The following ZNF229 variants were observed in gnomAD, a reference collection of about 807,000 sequenced individuals.
ZNF229 encodes zinc finger protein 229.
Under a neutral mutation model 11.8 loss-of-function variants are expected in ZNF229, and 10 were observed. The observed-to-expected ratio is 0.85, with a 90% confidence interval of 0.52 to 1.44. The LOEUF (loss-of-function observed/expected upper bound fraction) is 1.44. Among genes scored for constraint, ZNF229 ranks in the 40% most tolerant of loss-of-function variants. The probability of loss-of-function intolerance (pLI) is 0.00; values close to 1 mark genes in which losing one functional copy is unlikely to be tolerated. For missense variants in ZNF229, 1,045 were observed against 1,015.1 expected (o/e 1.03, Z -0.40); for synonymous variants, 368 against 374.8 (o/e 0.98, Z 0.21).
Position 44,430,109 on chromosome 19 carries a change from C to G in ZNF229, c.672G>C (p.Trp224Cys), listed in dbSNP as rs1971689375. ...ATCTGTGATCAACATGACAAGATATCCAGCAAAAGCTGTCATCATCCCAGT... is the reference window on the plus strand; with the variant it reads ...ATCTGTGATCAACATGACAAGATATGCAGCAAAAGCTGTCATCATCCCAGT... ...KCNWDDDSFC[W>C]ISCHVDHRFP... Residue 224 changes from tryptophan to cysteine, a missense_variant, in exon 6 of 6, where the codon TGG (tryptophan) becomes TGC (cysteine). Transcript: ENST00000614049. The G allele has an allele frequency of 6.2e-7, 1 of 1,613,992 alleles. No individual in the cohort carries two copies. The highest frequency in any genetic ancestry group is 8.5e-7 in the Non-Finnish European group (1 of 1,180,030).
intron 2 of ZNF229, among the ~76,000 whole-genome samples, chr19:44,445,405 G>A (rs1971986861): frequency 6.6e-6 from 1 of 152,152 alleles, no homozygotes; most frequent in African/African-American, 2.4e-5. Context: ...ATGGCCCAAA[G>A]ACCTTACACT....
Position 44,429,001 on chromosome 19 carries a change from G to A in ZNF229, c.1780C>T (p.His594Tyr), listed in dbSNP as rs1001440713. Residue 594 changes from histidine (H) to tyrosine (Y), a missense_variant, in exon 6 of 6, where the codon CAC (histidine) becomes TAC (tyrosine). By Grantham distance (83) the His-to-Tyr change is moderately conservative. Coordinates refer to ENST00000614049, the MANE Select transcript of ZNF229 (RefSeq NM_014518.4). The stretch of plus-strand genomic sequence containing the variant: ...CACACGTAGGGCCTCTCTCCCGTGT[G>A]GACCCTCTGGTGGCTGTGAAGGTCT... ...NSDLHSHQRVHTGERPYVCDV... is the reference protein window; with the variant it reads ...NSDLHSHQRVYTGERPYVCDV... The A allele has an allele frequency of 3.7e-6, 6 of 1,613,742 alleles. No individual in the cohort carries two copies. Among genetic ancestry groups the A allele is most frequent in the Non-Finnish European group, 4.2e-6 (5 of 1,179,908 alleles).
In ZNF229 at chr19:44,429,216, C is replaced by T; in HGVS notation, c.1565G>A (p.Cys522Tyr). Residue 522 changes from cysteine to tyrosine, a missense_variant, in exon 6 of 6, where the codon TGT (cysteine) becomes TAT (tyrosine). Cys to Tyr is a radical substitution (Grantham distance 194, BLOSUM62 -2). Transcript: ENST00000614049. ...TGAGCTGTAACTGAAACTCTTACCA[C>T]ACACGTTACATTTGTACAGATGCTG... ...MGQHLYKCNV[C>Y]GKSFSYSSGL... 6.2e-7 allele frequency: 1 copy of T among 1,614,090 alleles called. No individual in the cohort carries two copies.
rs551441884 is a variant in ZNF229, at chr19:44,430,907, C to T, written c.239-365G>A. ...CCAATGATGTACACATATTAACTGACTTAAACCTCAGAATAATACTGAAGT... is the reference window on the plus strand; with the variant it reads ...CCAATGATGTACACATATTAACTGATTTAAACCTCAGAATAATACTGAAGT... On this transcript the variant is annotated intron_variant, in intron 5 of 5. Transcript: ENST00000614049. 2.5e-3 allele frequency among the ~76,000 whole-genome samples: 377 copies of T among 152,274 alleles called. 2 individuals carry two copies. Among genetic ancestry groups the T allele is most frequent in the African/African-American group, 8.1e-3 (338 of 41,508 alleles).
intron 2 of ZNF229, among the ~76,000 whole-genome samples, chr19:44,447,175 G>A (rs953440754): frequency 3.9e-5 from 6 of 152,136 alleles, no homozygotes; most frequent in Non-Finnish European, 7.4e-5. Context: ...GGCAAGCCTG[G>A]CACTGTCCTA....
chr19:44,445,215 C>T (rs906493897), intron 2 of ZNF229, among the ~76,000 whole-genome samples: 6 of 152,194 alleles, frequency 3.9e-5, no homozygotes, highest in Non-Finnish European at 8.8e-5. Context: ...ACCGTCCACA[C>T]CATCATGTCT....
At position 44,434,911 on chromosome 19, in the gene ZNF229, A is replaced by G. The variant is rs576871302; in HGVS notation, c.94-2545T>C. 7.2e-5 allele frequency among the ~76,000 whole-genome samples: 11 copies of G among 152,212 alleles called. No homozygotes were observed. In the East Asian group the frequency reaches 1.9e-3, roughly 27 times the overall value. On this transcript the variant is annotated intron_variant, in intron 4 of 5. Coordinates refer to ENST00000614049, the MANE Select transcript of ZNF229 (RefSeq NM_014518.4). ...GGACCTGATGGGAGGAAATTGAATC[A>G]TGGGGGGTGGGTCTTTCCCATGCTG...
chr19:44,428,063 A>C lies in ZNF229; in HGVS notation c.*240T>G, dbSNP rs148131616. On this transcript the variant is annotated 3_prime_UTR_variant, in exon 6 of 6. Coordinates refer to ENST00000614049, the MANE Select transcript of ZNF229 (RefSeq NM_014518.4). ...GGATTATTACTGAAACCACTGCTGC[A>C]CTGTTTCTTTAAAGCCTACTCCGCT... is the stretch of plus-strand genomic sequence containing the variant. 614 of 468,276 alleles carry C rather than the reference A, an allele frequency of 1.3e-3. 6 individuals carry two copies. The highest frequency in any genetic ancestry group is 0.011 in the African/African-American group (581 of 51,842). 29.0% of individuals were successfully genotyped at this position (468,276 alleles called of 1,614,324 possible).
chr19:44,443,337 G>A (rs2123380469), intron 2 of ZNF229, among the ~76,000 whole-genome samples: 1 of 152,226 alleles, frequency 6.6e-6, no homozygotes, highest in East Asian at 1.9e-4. Context: ...CACCTGGAGA[G>A]GAAAAGCTTT....
At chr19:44,448,006 G>C (rs180874128) in intron 1 of ZNF229, among the ~76,000 whole-genome samples, 1 of 152,292 alleles carries the variant, frequency 6.6e-6, no homozygotes, top group Admixed American at 6.5e-5. Context: ...CTTGCACAGC[G>C]CTTAATACAT....
At chr19:44,448,117 C>A (rs144285903) in intron 1 of ZNF229, among the ~76,000 whole-genome samples, 192 bp downstream of exon 1, 2 of 152,326 alleles carry the variant, frequency 1.3e-5, no homozygotes, top group African/African-American at 4.8e-5. Flanking sequence ...GGGCGGCTAC[C>A]CTGAGAAAAT....
Position 44,430,011 on chromosome 19 carries a change from C to T in ZNF229, c.770G>A (p.Arg257His), listed in dbSNP as rs778772232. 24 of 1,613,996 alleles carry T rather than the reference C, an allele frequency of 1.5e-5. No individual in the cohort carries two copies. Among genetic ancestry groups the T allele is most frequent in the Admixed American group, 6.7e-5 (4 of 60,004 alleles). The part of the protein sequence containing the change: ...KDCIKNSVLH[R>H]INPGENGLKS... Reference sequence around the variant, plus strand: ...CAAGCCATTCTCTCCAGGGTTAATGCGATGAAGTACAGAGTTTTTAATGCA... The same window carrying T: ...CAAGCCATTCTCTCCAGGGTTAATGTGATGAAGTACAGAGTTTTTAATGCA... Residue 257 changes from arginine to histidine, a missense_variant, in exon 6 of 6, where the codon CGC becomes CAC. Transcript: ENST00000614049.
chr19:44,432,458 A>G (rs1971740975), intron 4 of ZNF229, 92 bp from the exon 5 acceptor site: 1 of 1,548,124 alleles, frequency 6.5e-7, no homozygotes, highest in African/African-American at 1.4e-5. Flanking sequence ...AAATTTAAAA[A>G]TCTGGATTAA....
intron 4 of ZNF229, among the ~76,000 whole-genome samples, chr19:44,438,565 A>G (rs926690933): frequency 2.0e-5 from 3 of 152,208 alleles, no homozygotes; most frequent in African/African-American, 4.8e-5. Context: ...GTCTTTTTCT[A>G]TGCTAATGGG....
Position 44,428,219 on chromosome 19 carries a change from G to T in ZNF229, c.*84C>A. On this transcript the variant is annotated 3_prime_UTR_variant, in exon 6 of 6. Coordinates refer to ENST00000614049, the MANE Select transcript of ZNF229 (RefSeq NM_014518.4). ...AGTTTCTCCTATAGCCCTCCTACAT[G>T]TCACTTTCCTATGGTTTTTCTCCTG... The T allele has an allele frequency of 6.9e-7, 1 of 1,447,068 alleles. No individual in the cohort carries two copies. 89.6% of individuals were successfully genotyped at this position (1,447,068 alleles called of 1,614,324 possible). A position where few individuals can be genotyped will look rare whatever the true frequency, so the allele number is the denominator to read the frequency against.
chr19:44,444,303 T>G (rs1313974384), intron 2 of ZNF229, among the ~76,000 whole-genome samples: 1 of 152,204 alleles, frequency 6.6e-6, no homozygotes, highest in Non-Finnish European at 1.5e-5. Flanking sequence ...ATACTTGGGC[T>G]GTCTACTCTA....
chr19:44,444,545 G>C (rs1021027203), intron 2 of ZNF229, among the ~76,000 whole-genome samples: 1 of 152,116 alleles, frequency 6.6e-6, no homozygotes, highest in Non-Finnish European at 1.5e-5. Context: ...CTGAAACAAG[G>C]CCTCCACCGC....
chr19:44,430,928 G>C (rs1327304906), intron 5 of ZNF229, among the ~76,000 whole-genome samples: 2 of 152,096 alleles, frequency 1.3e-5, no homozygotes, highest in East Asian at 1.9e-4. Flanking sequence ...GAATAATACT[G>C]AAGTAGAAAC....
In ZNF229 at chr19:44,428,481, G is replaced by A. The variant is rs1971624358; in HGVS notation, c.2300C>T (p.Pro767Leu). 1.2e-6 allele frequency: 2 copies of A among 1,613,960 alleles called. No homozygotes were observed. The highest frequency in any genetic ancestry group is 1.7e-6 in the Non-Finnish European group (2 of 1,179,998). Residue 767 changes from proline (P) to leucine (L), a missense_variant, in exon 6 of 6, where the codon CCC becomes CTC. Pro to Leu is a moderately conservative substitution (Grantham distance 98). Coordinates refer to ENST00000614049, the MANE Select transcript of ZNF229 (RefSeq NM_014518.4). ...CTTCCCACACTCCTCACATTTATAGGGTTTCTCACCAGTGTGGACCCTCTG... is the reference window on the plus strand; with the variant it reads ...CTTCCCACACTCCTCACATTTATAGAGTTTCTCACCAGTGTGGACCCTCTG... ...GHQRVHTGEK[P>L]YKCEECGKGF...
Sources: gnomAD v4.1 joint callset for allele counts (sites outside exome capture counted in the v4.1 genomes callset) on GRCh38, gnomAD v4.1.1 for gene constraint, MANE v1.5 for transcripts, NCBI Gene and HGNC (gene_info 2026-07-23, HGNC 2026-07-21) for gene names.